Variants in DMC1 observed in about 807,000 individuals in gnomAD.
The protein encoded by DMC1 is meiotic recombination protein DMC1 homolog.
Under a neutral mutation model 50.1 loss-of-function variants are expected in DMC1, and 27 were observed. That is an observed-to-expected ratio of 0.54 (90% confidence interval 0.40 to 0.74). DMC1 has a LOEUF of 0.74. Among genes scored for constraint, DMC1 ranks in the 30% least tolerant of loss-of-function variants. The probability of loss-of-function intolerance (pLI) is 0.00; values close to 1 mark genes in which losing one functional copy is unlikely to be tolerated. For synonymous variants in DMC1, 148 were observed against 136.1 expected, an observed-to-expected ratio of 1.09 and a Z score of -0.61; for missense variants, 295 against 420.2, an observed-to-expected ratio of 0.70 and a Z score of 2.60.
At chr22:38,541,227 T>A (rs1354624763) in intron 8 of DMC1, among the ~76,000 whole-genome samples, 2 of 152,214 alleles carry the variant, frequency 1.3e-5, no homozygotes, top group African/African-American at 4.8e-5. Flanking sequence ...TCCAGAGGAA[T>A]GTCTTTAGGA....
chr22:38,537,542 C>T (rs1354358731), intron 12 of DMC1, 50 bp downstream of exon 12: 1 of 1,525,896 alleles, frequency 6.6e-7, no homozygotes, highest in Non-Finnish European at 9.1e-7. Flanking sequence ...ACGCTCTAAC[C>T]CTCTTTATAT....
rs542527016 is a variant in DMC1 at position 38,534,378 on chromosome 22, C to T, written c.836+3214G>A. 5.9e-5 allele frequency among the ~76,000 whole-genome samples: 9 copies of T among 152,236 alleles called. No individual in the cohort carries two copies. In the South Asian group the frequency reaches 1.7e-3, roughly 28 times the overall value. Reference sequence around the variant, plus strand: ...TGTCTGTGAATAATTTTCAGTGGTTCAGAAGAAACTTCTCAAATGGTTCAC... The same window carrying T: ...TGTCTGTGAATAATTTTCAGTGGTTTAGAAGAAACTTCTCAAATGGTTCAC... On this transcript the variant is annotated intron_variant, in intron 12 of 13. Coordinates refer to ENST00000216024, the MANE Select transcript of DMC1 (RefSeq NM_007068.4).
chr22:38,535,450 G>GA (rs992352879), intron 12 of DMC1, among the ~76,000 whole-genome samples: 3 of 151,764 alleles, frequency 2.0e-5, no homozygotes, highest in Non-Finnish European at 4.4e-5. Context: ...ACAGGAGAGA[G>GA]AAAAAATGTG....
the DMC1 span, among the ~76,000 whole-genome samples, chr22:38,512,415 C>A: frequency 6.6e-6 from 1 of 152,158 alleles, no homozygotes; most frequent in Non-Finnish European, 1.5e-5. Flanking sequence ...GGCCTGATGA[C>A]AAAGTGGACC....
chr22:38,541,615 A>C (rs2090281832), intron 8 of DMC1, among the ~76,000 whole-genome samples: 1 of 152,200 alleles, frequency 6.6e-6, no homozygotes, highest in Non-Finnish European at 1.5e-5. Context: ...GAAGGTATAT[A>C]AGTTCTGGAA....
At chr22:38,531,780 T>C (rs2090154283) in intron 12 of DMC1, among the ~76,000 whole-genome samples, 1 of 152,186 alleles carries the variant, frequency 6.6e-6, no homozygotes, top group Admixed American at 6.6e-5. Flanking sequence ...CCTTTGTTAC[T>C]TTGTCTAGCA....
chr22:38,532,714 G>C (rs2090166676), intron 12 of DMC1, among the ~76,000 whole-genome samples: 2 of 151,904 alleles, frequency 1.3e-5, no homozygotes, highest in Non-Finnish European at 2.9e-5. Flanking sequence ...TGACCTCCCA[G>C]GCTCAAGCAA....
chr22:38,552,817 G>A, intron 6 of DMC1, 110 bp from the exon 7 acceptor site: 1 of 751,350 alleles, frequency 1.3e-6, no homozygotes, highest in Non-Finnish European at 2.3e-6. Flanking sequence ...TTTTCCAACT[G>A]GCAAATCTTA....
rs1015506274 is a variant in DMC1 at position 38,570,120 on chromosome 22, A to G, written c.-111T>C. 6.6e-6 allele frequency: 1 copy of G among 151,750 alleles called. No individual in the cohort carries two copies. Among genetic ancestry groups the G allele is most frequent in the East Asian group, 1.9e-4 (1 of 5,168 alleles). The allele number at this position is 151,750 out of a possible 1,614,324, so 9.4% of individuals were successfully genotyped here. On this transcript the variant is annotated 5_prime_UTR_variant, in exon 1 of 14. Transcript: ENST00000216024. ...CCGCCCGACCTCCTCAGCTGACAGG[A>G]TTCTAACTCGGGCCTAGAACACGGA...
At chr22:38,552,575 A>C in intron 7 of DMC1, 91 bp downstream of exon 7, 1 of 971,530 alleles carries the variant, frequency 1.0e-6, no homozygotes, top group Non-Finnish European at 1.7e-6. Flanking sequence ...GTATGTTCAG[A>C]TATGAGATTA....
In DMC1 at chr22:38,538,403, C is replaced by T. The variant is rs748020628; in HGVS notation, c.667G>A (p.Asp223Asn). 6.2e-7 allele frequency: 1 copy of T among 1,613,650 alleles called. No individual in the cohort carries two copies. Among genetic ancestry groups the T allele is most frequent in the South Asian group, 1.1e-5 (1 of 91,066 alleles). Residue 223 changes from aspartate to asparagine, a missense_variant, in exon 11 of 14, where the codon GAT (aspartate) becomes AAT (asparagine). Coordinates refer to ENST00000216024, the MANE Select transcript of DMC1 (RefSeq NM_007068.4). ...ACTCGAAAAAGTGCCATTATTGAAT[C>T]GATAATCTACACAGGATTAATGTAA... ...EAGIFKLLII[D>N]SIMALFRVDF...
downstream of DMC1, among the ~76,000 whole-genome samples, chr22:38,516,734 G>T (rs5995588): frequency 0.028 from 4,191 of 152,248 alleles, 197 homozygotes; most frequent in African/African-American, 0.096. Flanking sequence ...ACACTGGGAT[G>T]GGGGAGAGCT....
chr22:38,515,517 A>T (rs990401889), downstream of DMC1, among the ~76,000 whole-genome samples: 1 of 148,136 alleles, frequency 6.8e-6, no homozygotes, highest in South Asian at 2.2e-4. Flanking sequence ...AAAAGAAAGT[A>T]GCAGGGCACG....
At chr22:38,532,032 GAAGA>G (rs934758837) in intron 12 of DMC1, among the ~76,000 whole-genome samples, 2 of 152,078 alleles carry the variant, frequency 1.3e-5, no homozygotes, top group Admixed American at 6.6e-5. Context: ...CCCGACACCT[GAAGA>G]AAGAACATTG....
chr22:38,538,872 T>TA (rs779012551), intron 9 of DMC1, among the ~76,000 whole-genome samples: 1 of 152,032 alleles, frequency 6.6e-6, no homozygotes, highest in Non-Finnish European at 1.5e-5. Context: ...CTGACTCTAC[T>TA]AAAAAATACA....
At position 38,566,606 on chromosome 22, in the gene DMC1, G is replaced by A; in HGVS notation, c.227C>T (p.Ala76Val). ...TTTGCTTACAATTAGTTTGTTCGCT[G>A]CCTCTTTAATCTTGTCTACTTTGGC... ...SEAKVDKIKE[A>V]ANKLIEPGFL... The change falls in exon 4 of 14, where the codon GCA (alanine) becomes GTA (valine). Residue 76 changes from alanine to valine, a missense_variant. Coordinates refer to ENST00000216024, the MANE Select transcript of DMC1 (RefSeq NM_007068.4). 1.9e-6 allele frequency: 3 copies of A among 1,614,196 alleles called. No homozygotes were observed. The highest frequency in any genetic ancestry group is 2.5e-6 in the Non-Finnish European group (3 of 1,180,012).
intron 6 of DMC1, among the ~76,000 whole-genome samples, chr22:38,553,004 C>A (rs906506119): frequency 6.6e-6 from 1 of 151,316 alleles, no homozygotes; most frequent in Non-Finnish European, 1.5e-5. Context: ...CCTGCCACCA[C>A]GCCCGGCTAG....
Position 38,519,204 on chromosome 22 carries a change from A to G in DMC1, c.*816T>C, listed in dbSNP as rs2145753587. On this transcript the variant is annotated 3_prime_UTR_variant, in exon 14 of 14. Coordinates refer to ENST00000216024, the MANE Select transcript of DMC1 (RefSeq NM_007068.4). ...AGCCTCCAGAGTAGCTGGGATTACA[A>G]GCACATGCCACTGCACTTGGCTAAT... is the stretch of plus-strand genomic sequence containing the variant. The G allele has an allele frequency of 6.6e-6, 1 of 151,998 alleles. No individual in the cohort carries two copies. Among genetic ancestry groups the G allele is most frequent in the South Asian group, 2.1e-4 (1 of 4,804 alleles). The allele number at this position is 151,998 out of a possible 1,614,324, so 9.4% of individuals were successfully genotyped here. A position where few individuals can be genotyped will look rare whatever the true frequency, so the allele number is the denominator to read the frequency against.
chr22:38,546,155 C>T (rs2090341797), intron 8 of DMC1: 1 of 152,298 alleles, frequency 6.6e-6, no homozygotes, highest in African/African-American at 2.4e-5. Context: ...CTTTGGGAGG[C>T]CAAGGTGGGT....
Sources: gnomAD v4.1 joint callset for allele counts (sites outside exome capture counted in the v4.1 genomes callset) on GRCh38, gnomAD v4.1.1 for gene constraint, MANE v1.5 for transcripts, NCBI Gene and HGNC (gene_info 2026-07-23, HGNC 2026-07-21) for gene names.